The following PITRM1 variants were observed in gnomAD, a reference collection of about 807,000 sequenced individuals.
PITRM1 encodes the protein presequence protease, mitochondrial.
In PITRM1, 100 loss-of-function variants were observed where a neutral mutation model predicts 129.9. The observed-to-expected ratio is 0.77, with a 90% CI of 0.65 to 0.91. PITRM1 has a LOEUF of 0.91. PITRM1 is among the 40% of genes least tolerant of loss of function. The probability of loss-of-function intolerance (pLI) is 0.00; values close to 1 mark genes in which losing one functional copy is unlikely to be tolerated. For missense variants in PITRM1, 1,471 were observed against 1,318.3 expected, an observed-to-expected ratio of 1.12 and a Z score of -1.79; for synonymous variants, 591 against 508.8, an observed-to-expected ratio of 1.16 and a Z score of -2.17.
intron 11 of PITRM1, 148 bp from the exon 12 acceptor site, chr10:3,157,679 T>C (rs552804407): frequency 4.9e-6 from 3 of 608,194 alleles, no homozygotes; most frequent in South Asian, 4.0e-5. Context: ...CCATCTCTAC[T>C]ACACAAAAAT....
chr10:3,142,390 G>A (rs937859384), intron 23 of PITRM1, among the ~76,000 whole-genome samples: 1 of 152,214 alleles, frequency 6.6e-6, no homozygotes, highest in Non-Finnish European at 1.5e-5. Flanking sequence ...GCCTAAGCCT[G>A]CCTTCCCCCT....
Position 3,160,264 on chromosome 10 carries a change from G to T in PITRM1, c.858C>A (p.Ser286Arg). 6.2e-7 allele frequency: 1 copy of T among 1,613,640 alleles called. No homozygotes were observed. The highest frequency in any genetic ancestry group is 8.5e-7 in the Non-Finnish European group (1 of 1,179,574). ...TGCTTGGTTCAATTTTCTGGAATTT[G>T]CTCAGTGCTTCCTCGTGAATTTGTT... Reference protein sequence around the residue: ...HLKQIHEEALSKFQKIEPSTV... With the variant: ...HLKQIHEEALRKFQKIEPSTV... The change falls in exon 8 of 27, where the codon AGC becomes AGA. Residue 286 changes from serine to arginine, a missense_variant. Coordinates refer to ENST00000224949, the MANE Select transcript of PITRM1 (RefSeq NM_014889.4).
At chr10:3,142,322 G>A (rs1840318642) in intron 23 of PITRM1, among the ~76,000 whole-genome samples, 1 of 152,204 alleles carries the variant, frequency 6.6e-6, no homozygotes, top group South Asian at 2.1e-4. Flanking sequence ...GTGACCCTCT[G>A]TGACACACGT....
At position 3,172,737 on chromosome 10, in the gene PITRM1, C is replaced by G. The variant is rs769060443; in HGVS notation, c.36G>C (p.Val12=). ...CTCACCCGCCGCTCAGCCGCCTCAG[C>G]ACACACAGGCCCTGCCGCCCGCCGC... is the stretch of plus-strand genomic sequence containing the variant. The part of the protein sequence containing the change: ...WRCGGRQGLC[V]LRRLSGGHAH... The change falls in exon 1 of 27, where the codon GTG becomes GTC. Residue 12 remains valine, a synonymous_variant. Coordinates refer to ENST00000224949, the MANE Select transcript of PITRM1 (RefSeq NM_014889.4). The G allele has an allele frequency of 3.9e-6, 6 of 1,545,494 alleles. No homozygotes were observed. In the Admixed American group the frequency reaches 9.8e-5, roughly 25 times the overall value.
chr10:3,140,927 A>C, intron 23 of PITRM1, 115 bp from the exon 24 acceptor site: 1 of 948,860 alleles, frequency 1.1e-6, no homozygotes. Flanking sequence ...ATGCTGCATA[A>C]ATTATGGTCC....
intron 14 of PITRM1, among the ~76,000 whole-genome samples, chr10:3,154,492 A>G (rs1447920471): frequency 6.6e-6 from 1 of 152,120 alleles, no homozygotes; most frequent in Non-Finnish European, 1.5e-5. Flanking sequence ...AATGTTAGTC[A>G]TTCTAGTAGG....
intron 1 of PITRM1, among the ~76,000 whole-genome samples, chr10:3,171,336 A>AC (rs1554804678): frequency 3.8e-3 from 33 of 8,664 alleles, no homozygotes; most frequent in African/African-American, 0.016. Context: ...ATGGTAAAAT[A>AC]TTAAAAAAAA....
chr10:3,148,890 A>C (rs1157359225), intron 16 of PITRM1: 1 of 152,412 alleles, frequency 6.6e-6, no homozygotes, highest in Admixed American at 6.5e-5. Context: ...TTTAAAAAGA[A>C]AGGCAGGGAA....
At chr10:3,138,555 G>A in intron 25 of PITRM1, 1 of 608,058 alleles carries the variant, frequency 1.6e-6, no homozygotes, top group South Asian at 1.9e-5. Context: ...CAGCAGGGAT[G>A]CAGTCAGCGC....
At chr10:3,158,668 G>A (rs58337104) in intron 10 of PITRM1, among the ~76,000 whole-genome samples, 5 of 152,130 alleles carry the variant, frequency 3.3e-5, no homozygotes, top group Admixed American at 1.3e-4. Flanking sequence ...TGTCCCCTTG[G>A]GGGGACACAA....
intron 18 of PITRM1, 115 bp downstream of exon 18, chr10:3,147,870 TAA>T: frequency 1.7e-6 from 2 of 1,181,666 alleles, no homozygotes; most frequent in Non-Finnish European, 2.4e-6. Context: ...GAACTACAAG[TAA>T]AAGTCAGACT....
chr10:3,151,837 G>C (rs1841546663), intron 14 of PITRM1, among the ~76,000 whole-genome samples: 1 of 152,160 alleles, frequency 6.6e-6, no homozygotes, highest in Non-Finnish European at 1.5e-5. Context: ...CTGGGCTCAA[G>C]TGATCCTTCT....
At position 3,147,737 on chromosome 10, in the gene PITRM1, G is replaced by C; in HGVS notation, c.2070C>G (p.Asn690Lys). The change falls in exon 19 of 27, where the codon AAC (asparagine) becomes AAG (lysine). Residue 690 changes from asparagine to lysine, a missense_variant and splice_region_variant. Physicochemically the swap from Asn to Lys is moderately conservative, Grantham distance 94. Transcript: ENST00000224949. ...AGTGCTCCTCTTCTTCAAAGCACGG[G>C]CTATGGAAAAAGGAGAAGAAAAAAT... ...MMQLWSEIFN[N>K]PCFEEEEHFK... 1 of 1,577,340 alleles carries C rather than the reference G, an allele frequency of 6.3e-7. No individual in the cohort carries two copies. The highest frequency in any genetic ancestry group is 8.6e-7 in the Non-Finnish European group (1 of 1,165,790).
chr10:3,170,143 A>C lies in PITRM1; in HGVS notation c.120T>G (p.Tyr40Ter). The change falls in exon 2 of 27, where the codon TAT becomes TAG. Residue 40 changes from tyrosine to a stop codon, truncating the protein, a stop_gained. Transcript: ENST00000224949. LOFTEE classifies it high-confidence loss of function. The part of the protein sequence containing the change: ...SNRACERALQ[Y>*]KLGDKIHGFT... ...ATCCATGGATCTTGTCTCCTAGTTT[A>C]TACTGCAGAGCCCTCTCACAAGCCC... 1.9e-6 allele frequency: 3 copies of C among 1,613,940 alleles called. No individual in the cohort carries two copies. Among genetic ancestry groups the C allele is most frequent in the Non-Finnish European group, 2.5e-6 (3 of 1,179,822 alleles).
At chr10:3,163,190 G>A (rs892687723) in intron 7 of PITRM1, 3 of 151,036 alleles carry the variant, frequency 2.0e-5, no homozygotes, top group Admixed American at 2.0e-4. Flanking sequence ...TTGCAAATAT[G>A]TTTTTACATT....
chr10:3,171,477 T>G (rs1249173615), intron 1 of PITRM1, among the ~76,000 whole-genome samples: 1 of 152,148 alleles, frequency 6.6e-6, no homozygotes, highest in East Asian at 1.9e-4. Flanking sequence ...CAGATCTCAC[T>G]CTGTTGCCCA....
rs745344212 is a variant in PITRM1, at chr10:3,158,108, T to C, written c.1182A>G (p.Gln394=). 3.7e-6 allele frequency: 6 copies of C among 1,610,800 alleles called. No individual in the cohort carries two copies. The highest frequency in any genetic ancestry group is 2.2e-5 in the South Asian group (2 of 90,672). The part of the protein sequence containing the change: ...TREAYFSVGL[Q]GIAEKDIETV... ...TCTCAATGTCTTTCTCCGCAATCCC[T>C]TGGAGGCCGACACTAAAGTAGGCCT... The change falls in exon 11 of 27, where the codon CAA becomes CAG. Residue 394 remains glutamine, a synonymous_variant. Coordinates refer to ENST00000224949, the MANE Select transcript of PITRM1 (RefSeq NM_014889.4).
chr10:3,152,192 A>C (rs1841581888), intron 14 of PITRM1, among the ~76,000 whole-genome samples: 2 of 152,216 alleles, frequency 1.3e-5, no homozygotes, highest in Non-Finnish European at 2.9e-5. Flanking sequence ...CAGCACCTTC[A>C]CAGCAGACTC....
intron 23 of PITRM1, among the ~76,000 whole-genome samples, chr10:3,142,429 C>A (rs1372517409): frequency 6.6e-6 from 1 of 152,252 alleles, no homozygotes; most frequent in Non-Finnish European, 1.5e-5. Context: ...TTGGTTTAGT[C>A]CCTCATGGGG....
Sources: gnomAD v4.1 joint callset for allele counts (sites outside exome capture counted in the v4.1 genomes callset) on GRCh38, gnomAD v4.1.1 for gene constraint, MANE v1.5 for transcripts, NCBI Gene and HGNC (gene_info 2026-07-23, HGNC 2026-07-21) for gene names.